The following LTBP2 variants were observed in gnomAD, a reference collection of about 807,000 sequenced individuals.
LTBP2 encodes the protein latent transforming growth factor beta binding protein 2.
LTBP2 carries 103 observed loss-of-function variants against 210.6 expected under a neutral mutation model. That is an observed-to-expected ratio of 0.49 (90% CI 0.42 to 0.58). The LOEUF (loss-of-function observed/expected upper bound fraction) is 0.58, where lower values mean the gene tolerates loss of function less well. LTBP2 is among the 20% of genes least tolerant of loss of function. The pLI, the probability that LTBP2 is intolerant of heterozygous loss-of-function variation, is 0.00. For synonymous variants in LTBP2, 1,007 were observed against 1,015.0 expected (o/e 0.99, Z 0.15); for missense variants, 2,313 against 2,494.5 (o/e 0.93, Z 1.55).
chr14:74,549,396 C>T (rs914201620), intron 8 of LTBP2, among the ~76,000 whole-genome samples: 36 of 152,284 alleles, frequency 2.4e-4, no homozygotes, highest in African/African-American at 8.2e-4. Flanking sequence ...GCTCCCATAC[C>T]CCAAGGATGA....
chr14:74,577,295 A>G (rs2088070853), intron 3 of LTBP2, among the ~76,000 whole-genome samples: 1 of 152,190 alleles, frequency 6.6e-6, no homozygotes, highest in African/African-American at 2.4e-5. Flanking sequence ...CTCAGTGGCC[A>G]TGAGGAAATG....
intron 1 of LTBP2, among the ~76,000 whole-genome samples, chr14:74,608,225 T>C (rs933927726): frequency 6.6e-6 from 1 of 152,110 alleles, no homozygotes; most frequent in Admixed American, 6.5e-5. Context: ...CGGCCAAAAC[T>C]AGACTATGTT....
At chr14:74,591,568 C>T (rs1288563263) in intron 2 of LTBP2, among the ~76,000 whole-genome samples, 1 of 152,240 alleles carries the variant, frequency 6.6e-6, no homozygotes, top group Non-Finnish European at 1.5e-5. Context: ...GCCGGCTTCA[C>T]TCGCATCCTC....
chr14:74,507,945 C>T (rs1364433364), intron 25 of LTBP2, 28 bp downstream of exon 25: 3 of 1,611,654 alleles, frequency 1.9e-6, no homozygotes, highest in Non-Finnish European at 2.5e-6. Context: ...GTGGGCAGAG[C>T]CCTGTGCCCT....
intron 24 of LTBP2, 70 bp downstream of exon 24, chr14:74,508,534 G>T: frequency 6.4e-7 from 1 of 1,562,510 alleles, no homozygotes; most frequent in South Asian, 1.2e-5. Flanking sequence ...CCATGCTCCT[G>T]ACCAGTAGAG....
At chr14:74,560,769 AT>A (rs1251511858) in intron 3 of LTBP2, among the ~76,000 whole-genome samples, 5 of 152,270 alleles carry the variant, frequency 3.3e-5, no homozygotes, top group African/African-American at 1.2e-4. Flanking sequence ...ACAATGAAAA[AT>A]AATACAAATA....
intron 3 of LTBP2, among the ~76,000 whole-genome samples, chr14:74,580,813 G>T (rs114084996): frequency 0.013 from 1,944 of 152,250 alleles, 41 homozygotes; most frequent in African/African-American, 0.045. Flanking sequence ...ACAGAAATTA[G>T]CTGGGTATGG....
rs1256387258 is a variant in LTBP2, at chr14:74,551,330, C to T, written c.1420G>A (p.Val474Met). ...NQLASVNPSL[V>M]KVHIHHPPEA... Reference sequence around the variant, plus strand: ...GGTGGGTGGTGAATGTGCACCTTCACCAGGGAGGGGTTCACGGAGGCTGGG... The same window carrying T: ...GGTGGGTGGTGAATGTGCACCTTCATCAGGGAGGGGTTCACGGAGGCTGGG... The change falls in exon 7 of 36, where the codon GTG (valine) becomes ATG (methionine). Residue 474 changes from valine (V) to methionine (M), a missense_variant. Coordinates refer to ENST00000261978, the MANE Select transcript of LTBP2 (RefSeq NM_000428.3). 6.3e-7 allele frequency: 1 copy of T among 1,582,992 alleles called. No homozygotes were observed. The highest frequency in any genetic ancestry group is 1.3e-5 in the African/African-American group (1 of 74,540).
rs531335667 is a variant in LTBP2 at position 74,542,892 on chromosome 14, G to T, written c.1790-6892C>A. On this transcript the variant is annotated intron_variant, in intron 8 of 35. Transcript: ENST00000261978. ...AGCAATTCTCCTGCCTCAGCCTCCT[G>T]AGTAAACAGGATTACAGCCACGCGC... is the stretch of plus-strand genomic sequence containing the variant. 1.3e-4 allele frequency among the ~76,000 whole-genome samples: 19 copies of T among 151,540 alleles called. No individual in the cohort carries two copies. The East Asian group carries it at 3.4e-3, about 27-fold the overall frequency.
rs1182267123 is a variant in LTBP2 at position 74,586,071 on chromosome 14, G to C, written c.613C>G (p.Gln205Glu). 6.2e-7 allele frequency: 1 copy of C among 1,600,434 alleles called. No homozygotes were observed. Among genetic ancestry groups the C allele is most frequent in the Non-Finnish European group, 8.5e-7 (1 of 1,173,954 alleles). The change falls in exon 3 of 36, where the codon CAG becomes GAG. Residue 205 changes from glutamine to glutamate, a missense_variant. Around this residue, in one of 3 missense-constraint regions of LTBP2, gnomAD observed 1,867 missense variants for 1,976.9 expected, o/e 0.94. Transcript: ENST00000261978. This position sits in a 1 kb window ranked among gnomAD's most constrained non-coding sequence, Gnocchi z 4.6. ...CQNRGSCSRP[Q>E]LCVCRSGFRG... The stretch of plus-strand genomic sequence containing the variant: ...AAACCAGAGCGGCAGACACAGAGCT[G>C]CGGGCGGCTGCAGGAGCCCCGGTTC...
At chr14:74,506,241 C>T (rs2086982392) in intron 27 of LTBP2, 50 bp from the exon 28 acceptor site, 3 of 1,613,070 alleles carry the variant, frequency 1.9e-6, no homozygotes, top group Non-Finnish European at 2.5e-6. Context: ...CAGCCCGTGC[C>T]CCCTGCCCCT....
At chr14:74,610,673 C>T (rs1260542545) in intron 1 of LTBP2, among the ~76,000 whole-genome samples, 4 of 152,268 alleles carry the variant, frequency 2.6e-5, no homozygotes, top group South Asian at 2.1e-4. Flanking sequence ...GGGGCATCTT[C>T]TCACTCTGCG....
rs200429529 is a variant in LTBP2 at position 74,564,398 on chromosome 14, T to TTA, written c.831-8707_831-8706dup. On this transcript the variant is annotated intron_variant, in intron 3 of 35. Transcript: ENST00000261978. Reference sequence around the variant, plus strand: ...ATATATATTTATATTTTATATATTTTTATATATATATTTTGAGACAGAGTC... The same window carrying TTA: ...ATATATATTTATATTTTATATATTTTTATATATATATATTTTGAGACAGAGTC... Among the ~76,000 whole-genome samples, 174 of 102,438 alleles carry TTA rather than the reference T, an allele frequency of 1.7e-3. 5 individuals carry two copies. In the East Asian group the frequency reaches 0.027, roughly 16 times the overall value. 67.2% of individuals were successfully genotyped at this position (102,438 alleles called of 152,430 possible). A position where few individuals can be genotyped will look rare whatever the true frequency, so the allele number is the denominator to read the frequency against.
chr14:74,502,108 GT>G, intron 34 of LTBP2: 1 of 287,670 alleles, frequency 3.5e-6, no homozygotes, highest in Non-Finnish European at 6.7e-6. Flanking sequence ...CAGAGGTATG[GT>G]TTTAGTCTGA....
intron 2 of LTBP2, among the ~76,000 whole-genome samples, chr14:74,588,717 T>C (rs2088242466): frequency 6.6e-6 from 1 of 152,218 alleles, no homozygotes; most frequent in Non-Finnish European, 1.5e-5. Flanking sequence ...CACCGTGCTC[T>C]GCATACACGC....
At chr14:74,579,654 T>C (rs1029635159) in intron 3 of LTBP2, among the ~76,000 whole-genome samples, 2 of 152,096 alleles carry the variant, frequency 1.3e-5, no homozygotes, top group South Asian at 2.1e-4. Flanking sequence ...CCACCTGAGG[T>C]TGGACCTCCA....
In LTBP2 at chr14:74,500,425, A is replaced by C; in HGVS notation, c.*459T>G. ...TGGAGTCAGTCCCCAAGCTTCCCCA[A>C]ATCCTTTCTTGCTCCACAGATTCTG... On this transcript the variant is annotated 3_prime_UTR_variant, in exon 36 of 36. Coordinates refer to ENST00000261978, the MANE Select transcript of LTBP2 (RefSeq NM_000428.3). The C allele has an allele frequency of 2.8e-6, 1 of 360,720 alleles. No homozygotes were observed. The highest frequency in any genetic ancestry group is 3.6e-5 in the South Asian group (1 of 27,544). The allele number at this position is 360,720 out of a possible 1,614,324, so 22.3% of individuals were successfully genotyped here.
chr14:74,539,384 G>A (rs1189433861), intron 8 of LTBP2, among the ~76,000 whole-genome samples: 5 of 152,120 alleles, frequency 3.3e-5, no homozygotes, highest in South Asian at 2.1e-4. Flanking sequence ...CCAGCAGGCC[G>A]GAAAGGTATC....
At chr14:74,523,252 C>T (rs2087231700) in intron 15 of LTBP2, among the ~76,000 whole-genome samples, 1 of 152,154 alleles carries the variant, frequency 6.6e-6, no homozygotes, top group African/African-American at 2.4e-5. Context: ...ACCCAGTGCC[C>T]AGCGCCATCC....
Sources: gnomAD v4.1 joint callset for allele counts (sites outside exome capture counted in the v4.1 genomes callset) on GRCh38, gnomAD v4.1.1 for gene constraint, gnomAD v4.1.1 regional missense constraint, Gnocchi (gnomAD v3.1) non-coding constraint, MANE v1.5 for transcripts, NCBI Gene and HGNC (gene_info 2026-07-23, HGNC 2026-07-21) for gene names.